The following LNX1 variants were observed in gnomAD, a reference collection of about 807,000 sequenced individuals.
LNX1 encodes the protein E3 ubiquitin-protein ligase LNX.
LNX1 carries 54 observed loss-of-function variants against 68.4 expected under a neutral mutation model. The ratio of observed to expected loss-of-function variants is 0.79; its 90% CI spans 0.63 to 0.99. The LOEUF is 0.99. Ranked by LOEUF, LNX1 falls within the 50% of genes least tolerant of loss-of-function variation. The pLI, the probability that LNX1 is intolerant of heterozygous loss-of-function variation, is 0.00. For synonymous variants in LNX1, 336 were observed against 350.0 expected (o/e 0.96, Z 0.45); for missense variants, 906 against 926.4 (o/e 0.98, Z 0.29).
At chr4:53,483,553 C>A (rs911645845) in intron 6 of LNX1, among the ~76,000 whole-genome samples, 31 of 152,280 alleles carry the variant, frequency 2.0e-4, no homozygotes, top group African/African-American at 7.2e-4. Flanking sequence ...CTGAAGTAGC[C>A]AGCTGACCTC....
intron 1 of LNX1, among the ~76,000 whole-genome samples, chr4:53,648,050 T>A (rs1025508919): frequency 3.3e-5 from 5 of 152,280 alleles, no homozygotes; most frequent in Non-Finnish European, 5.9e-5. Flanking sequence ...TTGTGAATAA[T>A]GCTGCCATAA....
chr4:53,490,777 T>G (rs1405395183), intron 6 of LNX1, among the ~76,000 whole-genome samples: 2 of 152,232 alleles, frequency 1.3e-5, no homozygotes, highest in African/African-American at 4.8e-5. Context: ...GAAGGGTATT[T>G]AGTTTAATCC....
At chr4:53,541,149 A>G (rs201312756) in intron 2 of LNX1, among the ~76,000 whole-genome samples, 6,925 of 38,218 alleles carry the variant, frequency 0.18, 241 homozygotes, top group East Asian at 0.28. Flanking sequence ...AAAAAAAAGA[A>G]AAAAAAAAAA....
chr4:53,570,843 C>CA (rs1455725088), intron 2 of LNX1, among the ~76,000 whole-genome samples: 4 of 151,312 alleles, frequency 2.6e-5, no homozygotes, highest in African/African-American at 9.7e-5. Context: ...CTGGCTAACA[C>CA]AGTGAAAACC....
Position 53,459,518 on chromosome 4 carries a change from A to T in LNX1, c.*1389T>A, listed in dbSNP as rs753810033. ...ACTATAAATCTTGTTATTTTTCTGG[A>T]TAATGTTTAAGAAATTTACCTTAAA... On this transcript the variant is annotated 3_prime_UTR_variant, in exon 11 of 11. Coordinates refer to ENST00000263925, the MANE Select transcript of LNX1 (RefSeq NM_001126328.3). The T allele has an allele frequency of 6.3e-7, 1 of 1,596,242 alleles. No individual in the cohort carries two copies. The highest frequency in any genetic ancestry group is 1.1e-5 in the South Asian group (1 of 88,504).
intron 2 of LNX1, among the ~76,000 whole-genome samples, chr4:53,603,236 G>A (rs894057554): frequency 6.6e-6 from 1 of 152,176 alleles, no homozygotes; most frequent in African/African-American, 2.4e-5. Flanking sequence ...CTTGGGAGCC[G>A]ACTCCTCACT....
chr4:53,575,962 G>C, intron 1 of LNX1: 2 of 1,563,244 alleles, frequency 1.3e-6, no homozygotes, highest in Non-Finnish European at 1.7e-6. Flanking sequence ...GTGGCTGGGT[G>C]CCCTACTGGC....
rs768158951 is a variant in LNX1, at chr4:53,496,249, G to A, written c.1124C>T (p.Pro375Leu). The change falls in exon 6 of 11, where the codon CCC becomes CTC. Residue 375 changes from proline (P) to leucine (L), a missense_variant. Coordinates refer to ENST00000263925, the MANE Select transcript of LNX1 (RefSeq NM_001126328.3). ...NNGQAPDAYR[P>L]RDDSFHVILN... ...AATCACATGAAAGCTGTCATCTCGG[G>A]GTCTGTAGGCATCCGGGGCCTGTCC... is the stretch of plus-strand genomic sequence containing the variant. 22 of 1,613,856 alleles carry A rather than the reference G, an allele frequency of 1.4e-5. No homozygotes were observed. The African/African-American group carries it at 2.4e-4, about 18-fold the overall frequency.
intron 9 of LNX1, among the ~76,000 whole-genome samples, chr4:53,467,691 A>G (rs1280410007): frequency 2.6e-5 from 4 of 152,254 alleles, no homozygotes; most frequent in Non-Finnish European, 5.9e-5. Context: ...CTATGTGACG[A>G]ATGCACAAGC....
rs377221530 is a variant in LNX1, at chr4:53,476,863, C to T, written c.1782G>A (p.Glu594=). Reference sequence around the variant, plus strand: ...TGCTGCAGTCTTCCTGGGGCTCATACTCTTTGACTTCCAAAGCTTTGAGTA... The same window carrying T: ...TGCTGCAGTCTTCCTGGGGCTCATATTCTTTGACTTCCAAAGCTTTGAGTA... The part of the protein sequence containing the change: ...SIVLKALEVK[E]YEPQEDCSSP... Residue 594 remains glutamate, a synonymous_variant, in exon 9 of 11, where the codon GAG becomes GAA. Coordinates refer to ENST00000263925, the MANE Select transcript of LNX1 (RefSeq NM_001126328.3). 6.2e-7 allele frequency: 1 copy of T among 1,614,198 alleles called. No individual in the cohort carries two copies. Among genetic ancestry groups the T allele is most frequent in the South Asian group, 1.1e-5 (1 of 91,088 alleles).
In LNX1 at chr4:53,645,209, G is replaced by A. The variant is rs191131601; in HGVS notation, c.-215+6959C>T. 8.8e-4 allele frequency among the ~76,000 whole-genome samples: 134 copies of A among 152,332 alleles called. 2 individuals carry two copies. The South Asian group carries it at 0.015, about 17-fold the overall frequency. ...CCCTTACACAAATTAAGAATCCAGA[G>A]GAAGGGCTCCTTTGGCAAGGGAACT... On this transcript the variant is annotated intron_variant, in intron 1 of 2. Transcript: ENST00000507168.
At chr4:53,509,118 C>T (rs1187934150) in intron 2 of LNX1, among the ~76,000 whole-genome samples, 5 of 152,152 alleles carry the variant, frequency 3.3e-5, no homozygotes, top group South Asian at 2.1e-4. Context: ...GTCATTGCAG[C>T]GCACAGGCTA....
At chr4:53,648,121 G>T (rs1197577181) in intron 1 of LNX1, among the ~76,000 whole-genome samples, 1 of 152,242 alleles carries the variant, frequency 6.6e-6, no homozygotes, top group Non-Finnish European at 1.5e-5. Context: ...TATATACCAA[G>T]AAATTGAATT....
At position 53,481,814 on chromosome 4, in the gene LNX1, A is replaced by T; in HGVS notation, c.1391T>A (p.Val464Asp). ...AAAGATGTCAGGGCTCCGCTGCCGA[A>T]CCTGGCGGGACACGACGAGGTGAAC... ...RRVHLVVSRQ[V>D]RQRSPDIFQE... The change falls in exon 7 of 11, where the codon GTT (valine) becomes GAT (aspartate). Residue 464 changes from valine to aspartate, a missense_variant. Coordinates refer to ENST00000263925, the MANE Select transcript of LNX1 (RefSeq NM_001126328.3). 1 of 1,612,636 alleles carries T rather than the reference A, an allele frequency of 6.2e-7. No homozygotes were observed. Among genetic ancestry groups the T allele is most frequent in the Non-Finnish European group, 8.5e-7 (1 of 1,179,186 alleles).
chr4:53,593,679 T>C (rs527342002), upstream of LNX1, among the ~76,000 whole-genome samples: 177 of 152,310 alleles, frequency 1.2e-3, 1 homozygote, highest in African/African-American at 4.0e-3. Context: ...GGCTTTTTTT[T>C]TGGGCCATTA....
At chr4:53,549,784 G>T (rs1029418768) in intron 2 of LNX1, among the ~76,000 whole-genome samples, 1 of 152,098 alleles carries the variant, frequency 6.6e-6, no homozygotes, top group African/African-American at 2.4e-5. Flanking sequence ...CTTTTATATT[G>T]TTTGTAGTTT....
intron 2 of LNX1, among the ~76,000 whole-genome samples, chr4:53,522,529 G>A (rs2109580961): frequency 6.6e-6 from 1 of 152,280 alleles, no homozygotes; most frequent in Admixed American, 6.5e-5. Flanking sequence ...TTGACACAGA[G>A]AGTTGCATGG....
Position 53,485,747 on chromosome 4 carries a change from G to T in LNX1, c.1351-3893C>A, listed in dbSNP as rs142431172. ...ATTCAATGCAGAGAAACATCCCCTA[G>T]CACCAGAGAATCTTTCTTTCCACTA... On this transcript the variant is annotated intron_variant, in intron 6 of 10. Coordinates refer to ENST00000263925, the MANE Select transcript of LNX1 (RefSeq NM_001126328.3). 3.5e-3 allele frequency among the ~76,000 whole-genome samples: 528 copies of T among 152,276 alleles called. 3 individuals carry two copies. The highest frequency in any genetic ancestry group is 0.012 in the African/African-American group (501 of 41,564).
intron 2 of LNX1, among the ~76,000 whole-genome samples, chr4:53,606,169 G>C (rs1399304000): frequency 6.6e-6 from 1 of 151,544 alleles, no homozygotes; most frequent in Non-Finnish European, 1.5e-5. Context: ...TTTTTTGAAA[G>C]ATAGATAGAC....
Sources: gnomAD v4.1 joint callset for allele counts (sites outside exome capture counted in the v4.1 genomes callset) on GRCh38, gnomAD v4.1.1 for gene constraint, MANE v1.5 for transcripts, NCBI Gene and HGNC (gene_info 2026-07-23, HGNC 2026-07-21) for gene names.